Variants in NR3C1 observed in about 807,000 individuals in gnomAD.
NR3C1 encodes glucocorticoid receptor.
NR3C1 carries 14 observed loss-of-function variants against 74.0 expected under a neutral mutation model. The observed-to-expected ratio is 0.19, with a 90% CI of 0.12 to 0.30. NR3C1 has a LOEUF of 0.30. Among genes scored for constraint, NR3C1 ranks in the 10% least tolerant of loss-of-function variants. The pLI is 1.00. For synonymous variants in NR3C1, 308 were observed against 332.5 expected (o/e 0.93, Z 0.80); for missense variants, 695 against 909.8 (o/e 0.76, Z 3.04).
chr5:143,327,898 A>G (rs1464879839), intron 2 of NR3C1, among the ~76,000 whole-genome samples: 1 of 152,210 alleles, frequency 6.6e-6, no homozygotes, highest in African/African-American at 2.4e-5. Context: ...CTGTCGGTGA[A>G]TCTACCTTTC....
At chr5:143,340,437 C>T (rs1467122309) in intron 2 of NR3C1, among the ~76,000 whole-genome samples, 2 of 150,788 alleles carry the variant, frequency 1.3e-5, no homozygotes, top group Non-Finnish European at 2.9e-5. Context: ...GACTTTGGCC[C>T]TGCCTTCTGG....
intron 2 of NR3C1, among the ~76,000 whole-genome samples, chr5:143,344,180 C>A (rs990393303): frequency 6.6e-6 from 1 of 151,924 alleles, no homozygotes; most frequent in African/African-American, 2.4e-5. Flanking sequence ...TTTAAAAAGA[C>A]TAAGACAAAT....
chr5:143,419,125 C>T (rs1017970187), intron 1 of NR3C1, among the ~76,000 whole-genome samples: 10 of 152,146 alleles, frequency 6.6e-5, no homozygotes, highest in African/African-American at 2.4e-4. Flanking sequence ...TAGGGATGCT[C>T]TACCTGTATG....
rs1459205237 is a variant in NR3C1 at position 143,325,817 on chromosome 5, T to A, written c.1185-11649A>T. ...GGGGGCTGCTATATTTAGTAAATAA[T>A]GAAAACATTGGTAACCTTACCCCTA... On this transcript the variant is annotated intron_variant, in intron 2 of 8. Coordinates refer to ENST00000394464, the MANE Select transcript of NR3C1 (RefSeq NM_000176.3). Among the ~76,000 whole-genome samples, 3 of 152,084 alleles carry A rather than the reference T, an allele frequency of 2.0e-5. No homozygotes were observed. The East Asian group carries it at 5.8e-4, about 29-fold the overall frequency.
intron 1 of NR3C1, among the ~76,000 whole-genome samples, chr5:143,430,871 C>T (rs1751782524): frequency 6.6e-6 from 1 of 152,182 alleles, no homozygotes; most frequent in East Asian, 1.9e-4. Context: ...AGCCTGCCTC[C>T]TCAGCAAGTT....
At chr5:143,356,940 T>C (rs759446952) in intron 2 of NR3C1, among the ~76,000 whole-genome samples, 18 of 152,202 alleles carry the variant, frequency 1.2e-4, no homozygotes, top group Non-Finnish European at 2.2e-4. Flanking sequence ...CTTCAGTCAA[T>C]AGGTAAATAA....
At chr5:143,328,230 G>A (rs1291817040) in intron 2 of NR3C1, among the ~76,000 whole-genome samples, 1 of 152,220 alleles carries the variant, frequency 6.6e-6, no homozygotes, top group Non-Finnish European at 1.5e-5. Flanking sequence ...GCCCCTTACA[G>A]CCACAGCTGG....
intron 1 of NR3C1, among the ~76,000 whole-genome samples, chr5:143,421,289 A>G (rs1420146419): frequency 1.3e-5 from 2 of 152,202 alleles, no homozygotes; most frequent in Non-Finnish European, 1.5e-5. Flanking sequence ...AAGGGCTTGC[A>G]TGTTTTTACT....
intron 2 of NR3C1, among the ~76,000 whole-genome samples, chr5:143,319,369 C>T: frequency 6.6e-6 from 1 of 151,896 alleles, no homozygotes; most frequent in East Asian, 1.9e-4. Context: ...AATTAATCAG[C>T]AATTTTTCAG....
chr5:143,282,701 T>C lies in NR3C1; in HGVS notation c.2048A>G (p.Gln683Arg). 6.2e-7 allele frequency: 1 copy of C among 1,614,010 alleles called. No individual in the cohort carries two copies. Among genetic ancestry groups the C allele is most frequent in the African/African-American group, 1.3e-5 (1 of 75,030 alleles). ...SSVPKDGLKS[Q>R]ELFDEIRMTY... ...CATTCTAATTTCATCAAATAGCTCTTGGCTCTTCAGACCGTCCTTAGGAAC... is the reference window on the plus strand; with the variant it reads ...CATTCTAATTTCATCAAATAGCTCTCGGCTCTTCAGACCGTCCTTAGGAAC... The change falls in exon 8 of 9, where the codon CAA becomes CGA. Residue 683 changes from glutamine (Q) to arginine (R), a missense_variant. By Grantham distance (43) the Gln-to-Arg change is conservative. This residue lies in a region of NR3C1 where 133 missense variants were observed against 287.9 expected (regional missense o/e 0.46). Transcript: ENST00000394464.
chr5:143,403,860 C>A, upstream of NR3C1: 3 of 976,160 alleles, frequency 3.1e-6, no homozygotes, highest in Non-Finnish European at 1.2e-6. Flanking sequence ...CCCCGCCACC[C>A]CGGCCCCGAC....
chr5:143,301,195 A>G (rs897646402), intron 4 of NR3C1, among the ~76,000 whole-genome samples: 5 of 152,184 alleles, frequency 3.3e-5, no homozygotes, highest in Admixed American at 2.0e-4. Context: ...AACGGATTAC[A>G]AACTGTGGTT....
At chr5:143,374,900 T>C (rs981866029) in intron 2 of NR3C1, among the ~76,000 whole-genome samples, 2 of 152,290 alleles carry the variant, frequency 1.3e-5, no homozygotes, top group South Asian at 2.1e-4. Context: ...TGGGCCTTCA[T>C]ACTCTACTGA....
chr5:143,371,536 A>G (rs995666911), intron 2 of NR3C1, among the ~76,000 whole-genome samples: 7 of 152,232 alleles, frequency 4.6e-5, no homozygotes, highest in African/African-American at 1.7e-4. Context: ...TCCACAGTAG[A>G]AACTGCAGCC....
chr5:143,366,094 C>T (rs1003192974), intron 2 of NR3C1, among the ~76,000 whole-genome samples: 1 of 152,040 alleles, frequency 6.6e-6, no homozygotes, highest in Non-Finnish European at 1.5e-5. Flanking sequence ...AATTATCCAC[C>T]TTAAGAGACT....
Position 143,400,201 on chromosome 5 carries a change from C to T in NR3C1, c.639G>A (p.Trp213Ter), listed in dbSNP as rs1264741028. The stretch of plus-strand genomic sequence containing the variant: ...TTTCATCTATCAACAGGTCTGATCT[C>T]CAAGGACTCTCATTCGTCTCTTTAC... ...SPGKETNESP[W>*]RSDLLIDENC... The change falls in exon 2 of 9, where the codon TGG (tryptophan) becomes TGA (stop). Residue 213 changes from tryptophan (W) to a stop codon, truncating the protein, a stop_gained. Coordinates refer to ENST00000394464, the MANE Select transcript of NR3C1 (RefSeq NM_000176.3). LOFTEE classifies it high-confidence loss of function. 6.2e-7 allele frequency: 1 copy of T among 1,609,954 alleles called. No individual in the cohort carries two copies. Among genetic ancestry groups the T allele is most frequent in the Non-Finnish European group, 8.5e-7 (1 of 1,178,424 alleles).
chr5:143,312,713 T>G (rs1821230922), intron 3 of NR3C1, among the ~76,000 whole-genome samples: 1 of 152,294 alleles, frequency 6.6e-6, no homozygotes, highest in East Asian at 1.9e-4. Flanking sequence ...ATCATAAAAG[T>G]TGAAAAATCG....
At chr5:143,419,330 T>C (rs1751093147) in intron 1 of NR3C1, among the ~76,000 whole-genome samples, 3 of 152,222 alleles carry the variant, frequency 2.0e-5, no homozygotes, top group African/African-American at 7.2e-5. Context: ...CTATCAAATA[T>C]ATTTTGTTTA....
intron 2 of NR3C1, among the ~76,000 whole-genome samples, chr5:143,394,163 T>C (rs1490285342): frequency 6.6e-6 from 1 of 152,006 alleles, no homozygotes; most frequent in East Asian, 1.9e-4. Flanking sequence ...AGAAAAAATA[T>C]TTAAAAGCAC....
Sources: allele counts gnomAD v4.1 joint callset (sites outside exome capture counted in the v4.1 genomes callset), GRCh38; gene constraint gnomAD v4.1.1; regional missense constraint gnomAD v4.1.1; transcripts MANE v1.5; gene names NCBI Gene and HGNC (gene_info 2026-07-23, HGNC 2026-07-21).